Variants in NDST1 observed in about 807,000 individuals in gnomAD.
The protein encoded by NDST1 is N-deacetylase and N-sulfotransferase 1.
NDST1 carries 35 observed loss-of-function variants against 92.8 expected under a neutral mutation model. The observed-to-expected ratio is 0.38, with a 90% confidence interval of 0.29 to 0.50. The LOEUF (loss-of-function observed/expected upper bound fraction) is 0.50. Among genes scored for constraint, NDST1 ranks in the 20% least tolerant of loss-of-function variants. NDST1 has a pLI of 0.94. For missense variants in NDST1, 822 were observed against 1,182.7 expected, an observed-to-expected ratio of 0.69 and a Z score of 4.47; for synonymous variants, 493 against 500.3, an observed-to-expected ratio of 0.99 and a Z score of 0.19.
chr5:150,510,116 G>C (rs750909880), intron 1 of NDST1, among the ~76,000 whole-genome samples: 5 of 152,194 alleles, frequency 3.3e-5, no homozygotes, highest in Non-Finnish European at 5.9e-5. Flanking sequence ...GTGTGACTTC[G>C]AGCGGTTGCT....
At chr5:150,517,785 T>C (rs2151264204) in intron 1 of NDST1, among the ~76,000 whole-genome samples, 1 of 152,272 alleles carries the variant, frequency 6.6e-6, no homozygotes, top group East Asian at 1.9e-4. Context: ...CTCTGAAAGA[T>C]TGTTAATCTG....
In NDST1 at chr5:150,517,685, T is replaced by C. The variant is rs565351544; in HGVS notation, c.-387-3183T>C. Among the ~76,000 whole-genome samples, 14 of 152,352 alleles carry C rather than the reference T, an allele frequency of 9.2e-5. No individual in the cohort carries two copies. In the South Asian group the frequency reaches 1.9e-3, roughly 20 times the overall value. ...CTGGCAACCGTGTGCATTTTTTTAATGCGCATATTTTTTATGTCTGAAAAA... is the reference window on the plus strand; with the variant it reads ...CTGGCAACCGTGTGCATTTTTTTAACGCGCATATTTTTTATGTCTGAAAAA... On this transcript the variant is annotated intron_variant, in intron 1 of 14. Transcript: ENST00000261797.
chr5:150,530,447 G>T (rs189364106), intron 3 of NDST1, among the ~76,000 whole-genome samples: 328 of 152,252 alleles, frequency 2.2e-3, no homozygotes, highest in African/African-American at 7.5e-3. Flanking sequence ...GTGAGTTCTG[G>T]AGAGACTGTG....
At chr5:150,520,344 T>TTCCTTG (rs369485910) in intron 1 of NDST1, among the ~76,000 whole-genome samples, 91,341 of 151,772 alleles carry the variant, frequency 0.6, 28,195 homozygotes, top group African/African-American at 0.73. Context: ...ATGAAAAGAC[T>TTCCTTG]GATGGAGACT....
chr5:150,539,718 C>A (rs2151293373), intron 7 of NDST1: 1 of 984,782 alleles, frequency 1.0e-6, no homozygotes, highest in East Asian at 1.1e-4. Context: ...AAAATGCAAA[C>A]AATTACCTCT....
chr5:150,525,974 C>T (rs1754458852), intron 2 of NDST1, among the ~76,000 whole-genome samples: 1 of 152,192 alleles, frequency 6.6e-6, no homozygotes, highest in Non-Finnish European at 1.5e-5. Context: ...TTCAATCCTC[C>T]AGCACCCTGC....
At position 150,521,390 on chromosome 5, in the gene NDST1, G is replaced by A; in HGVS notation, c.136G>A (p.Glu46Lys). Reference protein sequence around the residue: ...YYLYGWKRGLEPSADAPEPDC... With the variant: ...YYLYGWKRGLKPSADAPEPDC... ...CCTATATGGCTGGAAGCGAGGCCTG[G>A]AGCCCTCGGCGGATGCCCCCGAGCC... The change falls in exon 2 of 15, where the codon GAG becomes AAG. Residue 46 changes from glutamate (E) to lysine (K), a missense_variant. Transcript: ENST00000261797. The surrounding 1 kb of genome is among the most constrained non-coding windows in gnomAD (Gnocchi z 5.9). The A allele has an allele frequency of 1.2e-6, 2 of 1,613,398 alleles. No homozygotes were observed. Among genetic ancestry groups the A allele is most frequent in the Non-Finnish European group, 1.7e-6 (2 of 1,179,908 alleles).
chr5:150,549,634 C>T (rs893647409), intron 12 of NDST1, 44 bp from the exon 13 acceptor site: 2 of 1,243,006 alleles, frequency 1.6e-6, no homozygotes, highest in Non-Finnish European at 2.4e-6. Flanking sequence ...CCTTGTTTGC[C>T]ACCGAAGTCA....
chr5:150,524,914 T>C (rs13356593), intron 2 of NDST1, among the ~76,000 whole-genome samples: 3,080 of 152,336 alleles, frequency 0.02, 82 homozygotes, highest in African/African-American at 0.06. Flanking sequence ...TGGTAAGTCA[T>C]AGAGCCAAGA....
At chr5:150,533,084 C>A (rs1206852078) in intron 4 of NDST1, 52 bp downstream of exon 4, 1 of 1,545,170 alleles carries the variant, frequency 6.5e-7, no homozygotes, top group Non-Finnish European at 8.9e-7. Flanking sequence ...CTCCTCAGCA[C>A]CCAAACCCTC....
chr5:150,548,477 G>A (rs1216875143), intron 12 of NDST1, 89 bp downstream of exon 12: 19 of 1,438,066 alleles, frequency 1.3e-5, no homozygotes, highest in Middle Eastern at 2.3e-4. Context: ...CTCACCAGCC[G>A]TGGGGACAGA....
At chr5:150,519,986 C>A (rs1026968943) in intron 1 of NDST1, among the ~76,000 whole-genome samples, 1 of 152,114 alleles carries the variant, frequency 6.6e-6, no homozygotes, top group African/African-American at 2.4e-5. Context: ...GGGAGGCCTC[C>A]CCTCTGCATC....
In NDST1 at chr5:150,521,223, G is replaced by C. The variant is rs769919447; in HGVS notation, c.-32G>C. On this transcript the variant is annotated 5_prime_UTR_variant, in exon 2 of 15. Coordinates refer to ENST00000261797, the MANE Select transcript of NDST1 (RefSeq NM_001543.5). This position sits in a 1 kb window ranked among gnomAD's most constrained non-coding sequence, Gnocchi z 5.9. ...GCCTTGGGGTAGCCAGGGCAGGCCG[G>C]GCCTCCGGTGGCCAAGGTCTCGGAG... The C allele has an allele frequency of 1.3e-6, 2 of 1,592,590 alleles. No individual in the cohort carries two copies. The highest frequency in any genetic ancestry group is 1.7e-6 in the Non-Finnish European group (2 of 1,172,418).
chr5:150,535,624 C>T lies in NDST1; in HGVS notation c.1252-76C>T, dbSNP rs117025247. On this transcript the variant is annotated intron_variant, in intron 5 of 14. Coordinates refer to ENST00000261797, the MANE Select transcript of NDST1 (RefSeq NM_001543.5). ...GACCTAACCTCTGATTTCTCTCTCC[C>T]ATTCTACAAAGGGGGGATAAGGCCC... is the stretch of plus-strand genomic sequence containing the variant. 1,203 of 1,544,484 alleles carry T rather than the reference C, an allele frequency of 7.8e-4. 33 individuals are homozygous for T. In the East Asian group the frequency reaches 0.027, roughly 34 times the overall value.
rs1401648515 is a variant in NDST1, at chr5:150,540,151, C to G, written c.1636C>G (p.Leu546Val). 1 of 1,614,240 alleles carries G rather than the reference C, an allele frequency of 6.2e-7. No homozygotes were observed. Among genetic ancestry groups the G allele is most frequent in the East Asian group, 2.2e-5 (1 of 44,882 alleles). Residue 546 changes from leucine to valine, a missense_variant, in exon 8 of 15, where the codon CTG becomes GTG. Leu to Val is a conservative substitution (Grantham distance 32, BLOSUM62 1). Coordinates refer to ENST00000261797, the MANE Select transcript of NDST1 (RefSeq NM_001543.5). The stretch of plus-strand genomic sequence containing the variant: ...CCTGGGCCTGTACACCTTCAAGCAC[C>G]TGGTGCGCTTCCTGCACTCCTGGAC... The part of the protein sequence containing the change: ...DRLGLYTFKH[L>V]VRFLHSWTNL...
rs1755308689 is a variant in NDST1 at position 150,542,866 on chromosome 5, T to A, written c.1865T>A (p.Leu622Gln). 6.2e-6 allele frequency: 10 copies of A among 1,614,022 alleles called. No homozygotes were observed. In the East Asian group the frequency reaches 2.0e-4, roughly 32 times the overall value. ...CCCACAGGCACCACTGCCCTCTACC[T>A]GTTCCTGGGCATGCACCCTGACCTA... ...PQKTGTTALY[L>Q]FLGMHPDLSS... Residue 622 changes from leucine (L) to glutamine (Q), a missense_variant, in exon 10 of 15, where the codon CTG becomes CAG. Transcript: ENST00000261797.
intron 12 of NDST1, among the ~76,000 whole-genome samples, chr5:150,549,052 C>T (rs983641173): frequency 2.3e-4 from 35 of 152,200 alleles, no homozygotes; most frequent in Non-Finnish European, 1.3e-4. Flanking sequence ...CGCTCTGTCT[C>T]CCAGGCTGGA....
At chr5:150,548,517 G>A in intron 12 of NDST1, 129 bp downstream of exon 12, 1 of 972,200 alleles carries the variant, frequency 1.0e-6, no homozygotes, top group East Asian at 2.6e-5. Flanking sequence ...TAGACCCTTG[G>A]GTCTATAAAA....
At chr5:150,546,034 G>A (rs1244709342) in intron 11 of NDST1, among the ~76,000 whole-genome samples, 2 of 118,468 alleles carry the variant, frequency 1.7e-5, no homozygotes, top group African/African-American at 3.3e-5. Flanking sequence ...GTCTTGCTCT[G>A]TAGCCCAGGC....
Sources: allele counts gnomAD v4.1 joint callset (sites outside exome capture counted in the v4.1 genomes callset), GRCh38; gene constraint gnomAD v4.1.1; non-coding constraint Gnocchi (gnomAD v3.1); transcripts MANE v1.5; gene names NCBI Gene and HGNC (gene_info 2026-07-23, HGNC 2026-07-21).